The following KCNIP4 variants were observed in gnomAD, a reference collection of about 807,000 sequenced individuals.
KCNIP4 encodes the protein Kv channel-interacting protein 4.
KCNIP4 carries 12 observed loss-of-function variants against 34.0 expected under a neutral mutation model. The observed-to-expected ratio is 0.35, with a 90% CI of 0.23 to 0.57. The LOEUF (loss-of-function observed/expected upper bound fraction) is 0.57. Among genes scored for constraint, KCNIP4 ranks in the 20% least tolerant of loss-of-function variants. KCNIP4 has a pLI of 0.83. For missense variants in KCNIP4, 238 were observed against 311.7 expected, an observed-to-expected ratio of 0.76 and a Z score of 1.78; for synonymous variants, 124 against 102.2, an observed-to-expected ratio of 1.21 and a Z score of -1.29.
chr4:21,728,416 C>G (rs12513185), intron 1 of KCNIP4, among the ~76,000 whole-genome samples: 43,210 of 152,054 alleles, frequency 0.28, 7,342 homozygotes, highest in East Asian at 0.67. Context: ...ACTGCCACCC[C>G]AGAACTGCAG....
At chr4:21,345,601 T>C (rs985884714) in intron 1 of KCNIP4, among the ~76,000 whole-genome samples, 1 of 152,082 alleles carries the variant, frequency 6.6e-6, no homozygotes, top group South Asian at 2.1e-4. Flanking sequence ...ATTAGAGCTG[T>C]AGAAATAAGG....
chr4:21,413,531 T>C (rs973747397), intron 1 of KCNIP4, among the ~76,000 whole-genome samples: 1 of 152,224 alleles, frequency 6.6e-6, no homozygotes, highest in Non-Finnish European at 1.5e-5. Flanking sequence ...CTGACCCTTC[T>C]TTTCTTCCCC....
intron 1 of KCNIP4, among the ~76,000 whole-genome samples, chr4:21,181,348 C>T (rs1173463834): frequency 6.6e-6 from 1 of 152,058 alleles, no homozygotes; most frequent in African/African-American, 2.4e-5. Context: ...ATTCTCTAGA[C>T]ATTAAAGCTG....
At chr4:20,858,216 A>G in intron 2 of KCNIP4, among the ~76,000 whole-genome samples, 1 of 78,996 alleles carries the variant, frequency 1.3e-5, no homozygotes, top group South Asian at 2.8e-4. Context: ...CATCTCAAAA[A>G]AAAAAAAAAA....
chr4:21,380,466 A>G (rs12644224), intron 1 of KCNIP4, among the ~76,000 whole-genome samples: 27,801 of 143,642 alleles, frequency 0.19, 3,436 homozygotes, highest in Non-Finnish European at 0.28. Context: ...GGGGAGAGAG[A>G]GAGAGAGAGG....
In KCNIP4 at chr4:21,784,673, T is replaced by C. The variant is rs1375925743; in HGVS notation, c.61+163898A>G. Reference sequence around the variant, plus strand: ...AAGCCAAACATTTTATCCTCAAAGATATATCTTTATTTGGAACATTCTGAC... The same window carrying C: ...AAGCCAAACATTTTATCCTCAAAGACATATCTTTATTTGGAACATTCTGAC... On this transcript the variant is annotated intron_variant, in intron 1 of 8. Coordinates refer to ENST00000382152, the MANE Select transcript of KCNIP4 (RefSeq NM_025221.6). Among the ~76,000 whole-genome samples, 6 of 152,234 alleles carry C rather than the reference T, an allele frequency of 3.9e-5. No individual in the cohort carries two copies. In the East Asian group the frequency reaches 1.2e-3, roughly 29 times the overall value.
intron 1 of KCNIP4, among the ~76,000 whole-genome samples, chr4:21,474,234 G>A (rs999035615): frequency 2.0e-5 from 3 of 151,896 alleles, no homozygotes; most frequent in Admixed American, 6.6e-5. Context: ...CAGGCAAGAC[G>A]AAAAAAATGA....
At chr4:20,907,732 C>A (rs950707809) in intron 1 of KCNIP4, among the ~76,000 whole-genome samples, 6 of 151,282 alleles carry the variant, frequency 4.0e-5, no homozygotes, top group African/African-American at 1.5e-4. Flanking sequence ...TATTTTTTTT[C>A]TTTGAGACGG....
chr4:20,816,042 A>C (rs1716328863), intron 3 of KCNIP4, among the ~76,000 whole-genome samples: 1 of 152,074 alleles, frequency 6.6e-6, no homozygotes, highest in Non-Finnish European at 1.5e-5. Flanking sequence ...TGAGGTCAGG[A>C]GTTCAAGACC....
chr4:21,791,164 G>A (rs560018678), intron 1 of KCNIP4, among the ~76,000 whole-genome samples: 361 of 152,194 alleles, frequency 2.4e-3, no homozygotes, highest in African/African-American at 8.5e-3. Flanking sequence ...GCATGTTTGG[G>A]TTCTGGTGAA....
intron 1 of KCNIP4, among the ~76,000 whole-genome samples, chr4:21,072,213 G>A (rs1242562781): frequency 2.0e-5 from 3 of 152,134 alleles, no homozygotes; most frequent in Non-Finnish European, 4.4e-5. Context: ...TTGAGGAATC[G>A]CCACACTGTC....
intron 1 of KCNIP4, among the ~76,000 whole-genome samples, chr4:21,561,682 A>G (rs895536907): frequency 6.6e-6 from 1 of 152,000 alleles, no homozygotes; most frequent in Non-Finnish European, 1.5e-5. Flanking sequence ...AAAGCTGTTA[A>G]GGCAATTAAA....
intron 3 of KCNIP4, 135 bp from the exon 4 acceptor site, chr4:20,759,025 G>A: frequency 1.5e-5 from 9 of 617,034 alleles, no homozygotes; most frequent in Admixed American, 3.0e-5. Context: ...TATTACAAAG[G>A]GAATAAAAGC....
chr4:21,497,629 A>C (rs573144207), intron 1 of KCNIP4, among the ~76,000 whole-genome samples: 59 of 152,268 alleles, frequency 3.9e-4, no homozygotes, highest in African/African-American at 1.4e-3. Flanking sequence ...TAAGCCTTTC[A>C]TGTTGACAGT....
chr4:20,814,005 C>T (rs191682444), intron 3 of KCNIP4, among the ~76,000 whole-genome samples: 41 of 152,312 alleles, frequency 2.7e-4, no homozygotes, highest in African/African-American at 8.9e-4. Flanking sequence ...AAGTAACCCA[C>T]TATCTGTGCA....
intron 1 of KCNIP4, among the ~76,000 whole-genome samples, chr4:21,050,637 G>A (rs1011762565): frequency 3.9e-5 from 6 of 152,086 alleles, no homozygotes; most frequent in Non-Finnish European, 8.8e-5. Flanking sequence ...TGGCATTATG[G>A]CATAAGGCAA....
At chr4:20,889,487 T>G (rs1449295142) in intron 1 of KCNIP4, among the ~76,000 whole-genome samples, 1 of 152,088 alleles carries the variant, frequency 6.6e-6, no homozygotes, top group Non-Finnish European at 1.5e-5. Context: ...AAAGCCTGAG[T>G]ACTGACCTAA....
intron 1 of KCNIP4, among the ~76,000 whole-genome samples, chr4:20,884,055 C>A (rs1303576391): frequency 1.3e-5 from 2 of 152,152 alleles, no homozygotes; most frequent in Non-Finnish European, 2.9e-5. Context: ...GTCCTCTGGC[C>A]TTGACACTTA....
chr4:21,314,147 G>A (rs537425373), intron 1 of KCNIP4, among the ~76,000 whole-genome samples: 1 of 152,260 alleles, frequency 6.6e-6, no homozygotes, highest in Non-Finnish European at 1.5e-5. Context: ...ATTGCTCTTG[G>A]TGCCGTGTTC....
Sources: gnomAD v4.1 joint callset for allele counts (sites outside exome capture counted in the v4.1 genomes callset) on GRCh38, gnomAD v4.1.1 for gene constraint, MANE v1.5 for transcripts, NCBI Gene and HGNC (gene_info 2026-07-23, HGNC 2026-07-21) for gene names.